The following PTPRQ variants were observed in gnomAD, a reference collection of about 807,000 sequenced individuals.
The protein encoded by PTPRQ is phosphatidylinositol phosphatase PTPRQ.
Under a neutral mutation model 246.0 loss-of-function variants are expected in PTPRQ, and 199 were observed. That is an observed-to-expected ratio of 0.81 (90% CI 0.72 to 0.91). The LOEUF is 0.91. Ranked by LOEUF, PTPRQ falls within the 40% of genes least tolerant of loss-of-function variation. The pLI is 0.00. For missense variants in PTPRQ, 2,624 were observed against 2,528.4 expected, an observed-to-expected ratio of 1.04 and a Z score of -0.81; for synonymous variants, 869 against 853.2, an observed-to-expected ratio of 1.02 and a Z score of -0.32.
At chr12:80,563,141 G>A (rs1381003620) in intron 25 of PTPRQ, among the ~76,000 whole-genome samples, 1 of 152,064 alleles carries the variant, frequency 6.6e-6, no homozygotes, top group East Asian at 1.9e-4. Flanking sequence ...CTTTGTTTGG[G>A]CTGCTATAAT....
At chr12:80,648,951 C>A in intron 36 of PTPRQ, 28 bp downstream of exon 36, 1 of 1,491,996 alleles carries the variant, frequency 6.7e-7, no homozygotes, top group Non-Finnish European at 8.9e-7. Context: ...TTTCTTTCTT[C>A]TTTTTGAATA....
In PTPRQ at chr12:80,496,431, A is replaced by T. The variant is rs1231209761; in HGVS notation, c.2172A>T (p.Leu724Phe). The change falls in exon 14 of 45, where the codon TTA becomes TTT. Residue 724 changes from leucine to phenylalanine, a missense_variant. By Grantham distance (22) the Leu-to-Phe change is conservative. Coordinates refer to ENST00000644991, the MANE Select transcript of PTPRQ (RefSeq NM_001145026.2). ...CAACAGACATAATATTAAGGAACTT[A>T]AGACCTCACACCCTCTATAACATTT... Reference protein sequence around the residue: ...TSTTDIILRNLRPHTLYNISV... With the variant: ...TSTTDIILRNFRPHTLYNISV... 3.6e-5 allele frequency: 56 copies of T among 1,550,758 alleles called. No individual in the cohort carries two copies. The highest frequency in any genetic ancestry group is 4.7e-5 in the Non-Finnish European group (54 of 1,146,482).
intron 25 of PTPRQ, among the ~76,000 whole-genome samples, chr12:80,553,579 C>A (rs918459186): frequency 1.4e-4 from 22 of 152,038 alleles, no homozygotes; most frequent in Non-Finnish European, 2.5e-4. Context: ...TAGTGTCTGA[C>A]CTTCCAGGGA....
At position 80,565,589 on chromosome 12, in the gene PTPRQ, C is replaced by A. The variant is rs180694591; in HGVS notation, c.4285+15855C>A. On this transcript the variant is annotated intron_variant, in intron 25 of 44. Coordinates refer to ENST00000644991, the MANE Select transcript of PTPRQ (RefSeq NM_001145026.2). ...TTCTTTCTTTCTGGTAACCATATGACGTGAAAGCTTCAGGAATGTGCCTGT... is the reference window on the plus strand; with the variant it reads ...TTCTTTCTTTCTGGTAACCATATGAAGTGAAAGCTTCAGGAATGTGCCTGT... Among the ~76,000 whole-genome samples the A allele has an allele frequency of 8.8e-4, 134 of 152,128 alleles. No homozygotes were observed. The Middle Eastern group carries it at 0.01, about 12-fold the overall frequency.
At chr12:80,477,881 GC>G (rs962282091) in intron 8 of PTPRQ, among the ~76,000 whole-genome samples, 1 of 152,178 alleles carries the variant, frequency 6.6e-6, no homozygotes, top group African/African-American at 2.4e-5. Context: ...AGGGTCCTAC[GC>G]CCACGGAGTC....
At position 80,468,600 on chromosome 12, in the gene PTPRQ, C is replaced by T. The variant is rs530086643; in HGVS notation, c.911-110C>T. 2,512 of 1,124,422 alleles carry T rather than the reference C, an allele frequency of 2.2e-3. 5 individuals carry two copies. Among genetic ancestry groups the T allele is most frequent in the Non-Finnish European group, 2.7e-3 (2,307 of 849,418 alleles). The allele number at this position is 1,124,422 out of a possible 1,614,324, so 69.7% of individuals were successfully genotyped here. A position where few individuals can be genotyped will look rare whatever the true frequency, so the allele number is the denominator to read the frequency against. ...AAGATAAAAAAACTCTGCTTTTAAG[C>T]GCGATATTTTATTTTCCTTCTTTGC... On this transcript the variant is annotated intron_variant, in intron 6 of 44. Coordinates refer to ENST00000644991, the MANE Select transcript of PTPRQ (RefSeq NM_001145026.2).
intron 25 of PTPRQ, among the ~76,000 whole-genome samples, chr12:80,567,520 T>A (rs1351286548): frequency 6.6e-6 from 1 of 152,202 alleles, no homozygotes; most frequent in South Asian, 2.1e-4. Flanking sequence ...TGAAGGCAAC[T>A]GCTGCCCTGA....
chr12:80,497,887 G>A (rs775640492), intron 14 of PTPRQ, among the ~76,000 whole-genome samples: 2 of 151,980 alleles, frequency 1.3e-5, no homozygotes, highest in Non-Finnish European at 2.9e-5. Context: ...ATATAGTTCA[G>A]CCAGATACTA....
Position 80,589,717 on chromosome 12 carries a change from A to C in PTPRQ, c.4609+1265A>C, listed in dbSNP as rs78151739. ...ATTTGAGGTAGAATCCTGACAACTC[A>C]GACTTTGACACAATTGTCCAACCTT... On this transcript the variant is annotated intron_variant, in intron 26 of 44. Coordinates refer to ENST00000644991, the MANE Select transcript of PTPRQ (RefSeq NM_001145026.2). Among the ~76,000 whole-genome samples, 677 of 152,346 alleles carry C rather than the reference A, an allele frequency of 4.4e-3. 4 individuals are homozygous for C. Among genetic ancestry groups the C allele is most frequent in the African/African-American group, 0.015 (619 of 41,574 alleles).
rs1894624492 is a variant in PTPRQ, at chr12:80,496,419, A to G, written c.2160A>G (p.Ile720Met). 1 of 1,550,870 alleles carries G rather than the reference A, an allele frequency of 6.4e-7. No homozygotes were observed. Among genetic ancestry groups the G allele is most frequent in the Non-Finnish European group, 8.7e-7 (1 of 1,146,466 alleles). ...YMKNTSTTDI[I>M]LRNLRPHTLY... ...AGAACACATCAACAACAGACATAAT[A>G]TTAAGGAACTTAAGACCTCACACCC... Residue 720 changes from isoleucine (I) to methionine (M), a missense_variant, in exon 14 of 45, where the codon ATA (isoleucine) becomes ATG (methionine). Ile to Met is a conservative substitution (Grantham distance 10). Coordinates refer to ENST00000644991, the MANE Select transcript of PTPRQ (RefSeq NM_001145026.2).
chr12:80,639,734 C>T (rs1899787238), intron 35 of PTPRQ, among the ~76,000 whole-genome samples: 1 of 152,070 alleles, frequency 6.6e-6, no homozygotes, highest in Non-Finnish European at 1.5e-5. Flanking sequence ...GGTATTGTTA[C>T]TATTGTGATT....
intron 25 of PTPRQ, among the ~76,000 whole-genome samples, chr12:80,580,091 A>G (rs972506275): frequency 6.6e-6 from 1 of 152,170 alleles, no homozygotes; most frequent in African/African-American, 2.4e-5. Flanking sequence ...ATTTCTAATA[A>G]CTGATATTCA....
chr12:80,474,429 T>C (rs554381841), intron 8 of PTPRQ, among the ~76,000 whole-genome samples: 5 of 152,316 alleles, frequency 3.3e-5, no homozygotes, highest in African/African-American at 4.8e-5. Flanking sequence ...TGACCTCTTA[T>C]AGAGAATGTT....
In PTPRQ at chr12:80,660,983, A is replaced by G. The variant is rs73353350; in HGVS notation, c.6192+2922A>G. 6.1e-3 allele frequency among the ~76,000 whole-genome samples: 895 copies of G among 145,676 alleles called. 7 individuals are homozygous for G. Among genetic ancestry groups the G allele is most frequent in the African/African-American group, 0.022 (824 of 37,144 alleles). Reference sequence around the variant, plus strand: ...TACTGGGCACTACATGAGGATAAGCATGTATATTTCCTCTTATCTTAGTAC... The same window carrying G: ...TACTGGGCACTACATGAGGATAAGCGTGTATATTTCCTCTTATCTTAGTAC... On this transcript the variant is annotated intron_variant, in intron 39 of 44. Coordinates refer to ENST00000644991, the MANE Select transcript of PTPRQ (RefSeq NM_001145026.2).
chr12:80,655,385 A>G (rs1900398067), intron 38 of PTPRQ, among the ~76,000 whole-genome samples: 1 of 152,152 alleles, frequency 6.6e-6, no homozygotes, highest in African/African-American at 2.4e-5. Flanking sequence ...ATTAGTTCTT[A>G]TCTTATTGGT....
At chr12:80,656,054 T>TA (rs948739210) in intron 38 of PTPRQ, among the ~76,000 whole-genome samples, 19 of 152,288 alleles carry the variant, frequency 1.2e-4, no homozygotes, top group African/African-American at 4.6e-4. Flanking sequence ...TAAGGAGGTG[T>TA]ATCTAGTGAA....
chr12:80,573,768 A>G (rs1258313347), intron 25 of PTPRQ, among the ~76,000 whole-genome samples: 2 of 152,098 alleles, frequency 1.3e-5, no homozygotes, highest in East Asian at 3.9e-4. Flanking sequence ...AGTGTTTATG[A>G]AATTTATAAA....
intron 38 of PTPRQ, among the ~76,000 whole-genome samples, chr12:80,655,698 T>C (rs372915439): frequency 6.6e-6 from 1 of 152,048 alleles, no homozygotes; most frequent in African/African-American, 2.4e-5. Context: ...GATTATCCTA[T>C]TGTGCTTGCA....
intron 43 of PTPRQ, 40 bp downstream of exon 43, chr12:80,673,344 A>G: frequency 1.3e-6 from 2 of 1,528,760 alleles, no homozygotes; most frequent in Non-Finnish European, 1.8e-6. Flanking sequence ...AAAGTTCTAG[A>G]ATTTCCACAT....
Sources: gnomAD v4.1 joint callset for allele counts (sites outside exome capture counted in the v4.1 genomes callset) on GRCh38, gnomAD v4.1.1 for gene constraint, MANE v1.5 for transcripts, NCBI Gene and HGNC (gene_info 2026-07-23, HGNC 2026-07-21) for gene names.